The following NCAM1 variants were observed in gnomAD, a reference collection of about 807,000 sequenced individuals.
The protein encoded by NCAM1 is antigen recognized by monoclonal antibody 5.1H11.
A neutral mutation model predicts 109.8 loss-of-function variants in NCAM1; 14 were observed. The observed-to-expected ratio is 0.13, with a 90% confidence interval of 0.08 to 0.20. The LOEUF (loss-of-function observed/expected upper bound fraction) is 0.20. Ranked by LOEUF, NCAM1 falls within the 10% of genes least tolerant of loss-of-function variation. The pLI is 1.00. For synonymous variants in NCAM1, 418 were observed against 442.9 expected (o/e 0.94, Z 0.70); for missense variants, 774 against 1,109.9 (o/e 0.70, Z 4.30).
chr11:113,089,235 C>T (rs558142424), intron 1 of NCAM1, among the ~76,000 whole-genome samples: 93 of 152,204 alleles, frequency 6.1e-4, no homozygotes, highest in Non-Finnish European at 1.2e-3. Flanking sequence ...ATTGCTTGAA[C>T]CCAGGAGACG....
At chr11:113,134,322 G>A (rs527828887) in intron 1 of NCAM1, among the ~76,000 whole-genome samples, 4 of 151,718 alleles carry the variant, frequency 2.6e-5, no homozygotes, top group Non-Finnish European at 4.4e-5. Context: ...ATTTTTTTTC[G>A]TTTTTTAAGT....
chr11:112,989,366 T>C (rs1165480077), intron 1 of NCAM1, among the ~76,000 whole-genome samples: 3 of 152,220 alleles, frequency 2.0e-5, no homozygotes. Context: ...AGTTTGCACA[T>C]TCTTTCTTCT....
intron 1 of NCAM1, among the ~76,000 whole-genome samples, chr11:113,121,996 C>G (rs1002843993): frequency 6.6e-6 from 1 of 152,106 alleles, no homozygotes; most frequent in Non-Finnish European, 1.5e-5. Context: ...AGATAAGGCT[C>G]GGTGTGGATG....
At chr11:113,091,158 A>C (rs546135032) in intron 1 of NCAM1, among the ~76,000 whole-genome samples, 1 of 152,290 alleles carries the variant, frequency 6.6e-6, no homozygotes, top group Admixed American at 6.5e-5. Flanking sequence ...TTGTAGAATA[A>C]ATCTATTTTA....
chr11:113,010,969 T>G (rs1490749680), intron 1 of NCAM1, among the ~76,000 whole-genome samples: 1 of 152,126 alleles, frequency 6.6e-6, no homozygotes, highest in Non-Finnish European at 1.5e-5. Context: ...TAGGATTTTT[T>G]TTTTAACTAT....
At position 113,273,753 on chromosome 11, in the gene NCAM1, G is replaced by A. The variant is rs570613548; in HGVS notation, c.2457-1514G>A. Reference sequence around the variant, plus strand: ...GCCTGCGCCAGCAAAGACCGAGTACGGCCTCTCTTTGTCTGCTGTCATCGG... The same window carrying A: ...GCCTGCGCCAGCAAAGACCGAGTACAGCCTCTCTTTGTCTGCTGTCATCGG... On this transcript the variant is annotated intron_variant, in intron 19 of 19. Coordinates refer to ENST00000316851, the MANE Select transcript of NCAM1 (RefSeq NM_181351.5). The surrounding 1 kb of genome is among the most constrained non-coding windows in gnomAD (Gnocchi z 6.0). 10 of 433,844 alleles carry A rather than the reference G, an allele frequency of 2.3e-5. No individual in the cohort carries two copies. The highest frequency in any genetic ancestry group is 1.3e-4 in the South Asian group (8 of 62,130). 26.9% of individuals were successfully genotyped at this position (433,844 alleles called of 1,614,324 possible).
chr11:113,015,552 A>T (rs547324651), intron 1 of NCAM1, among the ~76,000 whole-genome samples: 3 of 152,106 alleles, frequency 2.0e-5, no homozygotes, highest in Non-Finnish European at 4.4e-5. Context: ...CCTGGCCAAC[A>T]TGGTGAAACC....
intron 1 of NCAM1, among the ~76,000 whole-genome samples, chr11:112,993,698 A>G (rs1951522517): frequency 6.6e-6 from 1 of 152,228 alleles, no homozygotes; most frequent in African/African-American, 2.4e-5. Context: ...ATCAGTGATT[A>G]TAGTTTAAAA....
At chr11:112,978,248 G>T (rs201637046) in intron 1 of NCAM1, among the ~76,000 whole-genome samples, 3 of 75,516 alleles carry the variant, frequency 4.0e-5, no homozygotes, top group Non-Finnish European at 8.3e-5. Flanking sequence ...ATCTAAATTG[G>T]TGTTTAGGTT....
chr11:113,187,176 G>A (rs1555109017), intron 1 of NCAM1, among the ~76,000 whole-genome samples: 1 of 152,184 alleles, frequency 6.6e-6, no homozygotes, highest in Non-Finnish European at 1.5e-5. Context: ...TTTGACTGCA[G>A]CAGATTTTTG....
At chr11:113,078,848 T>A (rs1304893586) in intron 1 of NCAM1, among the ~76,000 whole-genome samples, 5 of 152,148 alleles carry the variant, frequency 3.3e-5, no homozygotes, top group Non-Finnish European at 7.4e-5. Flanking sequence ...ATGGTCTTAT[T>A]AGGAAATTGA....
intron 1 of NCAM1, among the ~76,000 whole-genome samples, chr11:113,013,677 A>G (rs1952132972): frequency 6.6e-6 from 1 of 152,114 alleles, no homozygotes; most frequent in Non-Finnish European, 1.5e-5. Flanking sequence ...AGTTTCTTGC[A>G]GCTGAAAACA....
chr11:113,122,212 AAGAAGTTATTT>A (rs1201381677), intron 1 of NCAM1, among the ~76,000 whole-genome samples: 1 of 152,234 alleles, frequency 6.6e-6, no homozygotes, highest in East Asian at 1.9e-4. Context: ...AACTTTCAGA[AAGAAGTTATTT>A]AATCTTTGAA....
intron 1 of NCAM1, among the ~76,000 whole-genome samples, chr11:112,981,540 C>T (rs1555068762): frequency 6.6e-6 from 1 of 151,632 alleles, no homozygotes; most frequent in Non-Finnish European, 1.5e-5. Context: ...CCATAGATAC[C>T]CCATAGAATA....
intron 1 of NCAM1, 148 bp from the exon 2 acceptor site, chr11:113,202,231 C>T: frequency 2.5e-6 from 2 of 793,966 alleles, no homozygotes; most frequent in Non-Finnish European, 3.9e-6. Flanking sequence ...AACCTCCTCC[C>T]TTCACTCTTT....
At chr11:113,208,913 T>G (rs1470972784) in intron 7 of NCAM1, among the ~76,000 whole-genome samples, 1 of 152,180 alleles carries the variant, frequency 6.6e-6, no homozygotes, top group East Asian at 1.9e-4. Flanking sequence ...CTTGTTTGCC[T>G]CCTTCCCTGA....
At chr11:113,212,043 G>T (rs1369191878) in intron 7 of NCAM1, among the ~76,000 whole-genome samples, 2 of 152,210 alleles carry the variant, frequency 1.3e-5, no homozygotes, top group Non-Finnish European at 2.9e-5. Context: ...CCCTCTAGAT[G>T]CTGGAAGGCA....
In NCAM1 at chr11:113,221,307, T is replaced by G. The variant is rs1555115266; in HGVS notation, c.1071T>G (p.Thr357=). The change falls in exon 9 of 20, where the codon ACT becomes ACG. Residue 357 remains threonine, a synonymous_variant. Transcript: ENST00000316851. ...NISSEEKASW[T]RPEKQETLDG... Reference sequence around the variant, plus strand: ...CTTGTTTTCTCCAGGCTTCGTGGACTCGACCAGAGAAGCAAGAGGTATAGC... The same window carrying G: ...CTTGTTTTCTCCAGGCTTCGTGGACGCGACCAGAGAAGCAAGAGGTATAGC... The G allele has an allele frequency of 6.4e-7, 1 of 1,566,444 alleles. No homozygotes were observed. Among genetic ancestry groups the G allele is most frequent in the Non-Finnish European group, 8.7e-7 (1 of 1,153,398 alleles).
intron 1 of NCAM1, among the ~76,000 whole-genome samples, chr11:113,023,338 T>C (rs1298825624): frequency 6.6e-6 from 1 of 152,200 alleles, no homozygotes; most frequent in African/African-American, 2.4e-5. Flanking sequence ...AAAGGAAAGA[T>C]GTAGCCCAGG....
Sources: allele counts gnomAD v4.1 joint callset (sites outside exome capture counted in the v4.1 genomes callset), GRCh38; gene constraint gnomAD v4.1.1; non-coding constraint Gnocchi (gnomAD v3.1); transcripts MANE v1.5; gene names NCBI Gene and HGNC (gene_info 2026-07-23, HGNC 2026-07-21).